MAPK10: variants seen among roughly 807,000 people sequenced by gnomAD.
MAPK10 encodes mitogen-activated protein kinase 10, also known as JNK3 alpha protein kinase.
Under a neutral mutation model 59.3 loss-of-function variants are expected in MAPK10, and 25 were observed. The ratio of observed to expected loss-of-function variants is 0.42; its 90% CI spans 0.31 to 0.59. The LOEUF (loss-of-function observed/expected upper bound fraction) is 0.59, where lower values mean the gene tolerates loss of function less well. Among genes scored for constraint, MAPK10 ranks in the 20% least tolerant of loss-of-function variants. The probability of loss-of-function intolerance (pLI) is 0.15; values close to 1 mark genes in which losing one functional copy is unlikely to be tolerated. For synonymous variants in MAPK10, 190 were observed against 200.5 expected, an observed-to-expected ratio of 0.95 and a Z score of 0.44; for missense variants, 351 against 568.9, an observed-to-expected ratio of 0.62 and a Z score of 3.90.
At chr4:86,386,384 C>T (rs1253353809) in intron 1 of MAPK10, among the ~76,000 whole-genome samples, 1 of 152,174 alleles carries the variant, frequency 6.6e-6, no homozygotes, top group African/African-American at 2.4e-5. Context: ...GGAAGTATCT[C>T]CCTTCACCTC....
At chr4:86,135,937 A>G (rs1406161380) in intron 4 of MAPK10, among the ~76,000 whole-genome samples, 3 of 152,210 alleles carry the variant, frequency 2.0e-5, no homozygotes, top group Admixed American at 1.3e-4. Flanking sequence ...GGGTATCAGC[A>G]ATGGAAGATG....
chr4:86,542,219 G>T (rs1758763152), intron 1 of MAPK10, among the ~76,000 whole-genome samples: 1 of 152,068 alleles, frequency 6.6e-6, no homozygotes, highest in Non-Finnish European at 1.5e-5. Context: ...ATTGGCCTTT[G>T]TCTCTTGGCA....
At chr4:86,532,085 T>A (rs1757897771) in intron 1 of MAPK10, among the ~76,000 whole-genome samples, 1 of 147,564 alleles carries the variant, frequency 6.8e-6, no homozygotes. Context: ...TATATATACA[T>A]ATATATATAC....
intron 11 of MAPK10, among the ~76,000 whole-genome samples, chr4:86,050,786 A>G (rs1381850954): frequency 3.3e-5 from 5 of 152,146 alleles, no homozygotes; most frequent in African/African-American, 1.2e-4. Flanking sequence ...CCTCAGAAAA[A>G]GAAGTGGTAA....
chr4:86,480,325 CA>C (rs1753503371), intron 1 of MAPK10, among the ~76,000 whole-genome samples: 1 of 151,618 alleles, frequency 6.6e-6, no homozygotes, highest in Admixed American at 6.6e-5. Context: ...GTGACCCCCC[CA>C]CTCCTGCCCG....
intron 2 of MAPK10, among the ~76,000 whole-genome samples, chr4:86,323,110 G>A (rs1293161944): frequency 6.6e-6 from 1 of 152,226 alleles, no homozygotes; most frequent in Non-Finnish European, 1.5e-5. Flanking sequence ...GGAGGCGAAG[G>A]TTGCAGTGAG....
At chr4:86,345,069 T>C (rs1208921893) in intron 2 of MAPK10, among the ~76,000 whole-genome samples, 1 of 152,224 alleles carries the variant, frequency 6.6e-6, no homozygotes, top group African/African-American at 2.4e-5. Flanking sequence ...AAATATCTTA[T>C]TTATTGATTC....
chr4:86,149,325 G>T (rs888702583), intron 4 of MAPK10, among the ~76,000 whole-genome samples: 1 of 152,234 alleles, frequency 6.6e-6, no homozygotes, highest in East Asian at 1.9e-4. Flanking sequence ...GGAGTGAAGT[G>T]CCGCAATCTC....
At chr4:86,284,977 C>T (rs1405900949) in intron 2 of MAPK10, among the ~76,000 whole-genome samples, 24 of 152,176 alleles carry the variant, frequency 1.6e-4, no homozygotes, top group Non-Finnish European at 2.9e-5. Flanking sequence ...TATCCATTGC[C>T]TTTTGCAGTC....
At chr4:86,468,094 T>C (rs1011767851) in intron 1 of MAPK10, among the ~76,000 whole-genome samples, 1 of 152,242 alleles carries the variant, frequency 6.6e-6, no homozygotes, top group Non-Finnish European at 1.5e-5. Context: ...CCCTGAATTT[T>C]GGTCAGCCTA....
chr4:86,328,239 A>AT (rs1229633468), intron 2 of MAPK10, among the ~76,000 whole-genome samples: 1 of 152,164 alleles, frequency 6.6e-6, no homozygotes, highest in Non-Finnish European at 1.5e-5. Context: ...CAGCCAACAA[A>AT]CATGAAAAAA....
chr4:86,148,413 C>G (rs1312936294), intron 4 of MAPK10, among the ~76,000 whole-genome samples: 1 of 152,034 alleles, frequency 6.6e-6, no homozygotes, highest in African/African-American at 2.4e-5. Flanking sequence ...ACTAGTATGC[C>G]CTTCCAAAAT....
intron 2 of MAPK10, among the ~76,000 whole-genome samples, chr4:86,314,232 A>G (rs1469455565): frequency 1.3e-5 from 2 of 152,166 alleles, no homozygotes; most frequent in African/African-American, 4.8e-5. Flanking sequence ...GAAATATTCT[A>G]GATCTTGACC....
At chr4:86,112,256 C>G (rs763215638) in intron 4 of MAPK10, among the ~76,000 whole-genome samples, 10 of 151,346 alleles carry the variant, frequency 6.6e-5, no homozygotes, top group Non-Finnish European at 1.5e-4. Flanking sequence ...CTTCTGCTAG[C>G]TTTGGGGTTT....
intron 2 of MAPK10, among the ~76,000 whole-genome samples, chr4:86,297,412 C>T (rs1169150417): frequency 4.6e-5 from 7 of 152,074 alleles, no homozygotes; most frequent in African/African-American, 7.2e-5. Flanking sequence ...CGGATTCAAG[C>T]GATTCTCCTG....
At chr4:86,431,560 C>T (rs1748046295) in intron 1 of MAPK10, among the ~76,000 whole-genome samples, 1 of 152,156 alleles carries the variant, frequency 6.6e-6, no homozygotes, top group African/African-American at 2.4e-5. Flanking sequence ...TTTGGCTTAA[C>T]CCAGTGTTGC....
chr4:86,518,183 C>T (rs1422344519), intron 1 of MAPK10, among the ~76,000 whole-genome samples: 2 of 152,130 alleles, frequency 1.3e-5, no homozygotes, highest in Admixed American at 6.5e-5. Context: ...CCACTATACC[C>T]GGCTAACCTT....
intron 2 of MAPK10, among the ~76,000 whole-genome samples, chr4:86,338,221 T>A (rs2148931362): frequency 6.6e-6 from 1 of 152,292 alleles, no homozygotes; most frequent in South Asian, 2.1e-4. Flanking sequence ...AAACTGGGGC[T>A]TTGAACATTC....
intron 1 of MAPK10, among the ~76,000 whole-genome samples, chr4:86,389,340 G>C (rs1741898981): frequency 6.6e-6 from 1 of 152,120 alleles, no homozygotes; most frequent in Non-Finnish European, 1.5e-5. Context: ...AAATTACCCA[G>C]TCTCAGGTAT....
Sources: gnomAD v4.1 joint callset for allele counts (sites outside exome capture counted in the v4.1 genomes callset) on GRCh38, gnomAD v4.1.1 for gene constraint, MANE v1.5 for transcripts, NCBI Gene and HGNC (gene_info 2026-07-23, HGNC 2026-07-21) for gene names.